Variants in CDKN2A observed in about 807,000 individuals in gnomAD.
CDKN2A encodes the protein cyclin dependent kinase inhibitor 2A.
Under a neutral mutation model 11.1 loss-of-function variants are expected in CDKN2A, and 3 were observed. The observed-to-expected ratio is 0.27, with a 90% CI of 0.12 to 0.70. The LOEUF is 0.70. Ranked by LOEUF, CDKN2A falls within the 30% of genes least tolerant of loss-of-function variation. CDKN2A has a pLI of 0.77. For synonymous variants in CDKN2A, 122 were observed against 108.1 expected, an observed-to-expected ratio of 1.13 and a Z score of -0.80; for missense variants, 265 against 233.6, an observed-to-expected ratio of 1.13 and a Z score of -0.88.
chr9:21,979,783 C>G (rs1820130865), upstream of CDKN2A, among the ~76,000 whole-genome samples: 1 of 152,140 alleles, frequency 6.6e-6, no homozygotes, highest in African/African-American at 2.4e-5. Flanking sequence ...TTCTTTAAAA[C>G]CAGACTGGAG....
rs781780454 is a variant in CDKN2A at position 21,974,549 on chromosome 9, T to C, written c.150+129A>G. 2.0e-5 allele frequency: 33 copies of C among 1,613,398 alleles called. No homozygotes were observed. The highest frequency in any genetic ancestry group is 2.5e-5 in the Non-Finnish European group (29 of 1,179,980). ...GAGGTCTGTGATTACAAACCCCTTC[T>C]GAAAACTCCCCAGGAAGCCTCCCCT... On this transcript the variant is annotated intron_variant, in intron 1 of 2. Coordinates refer to ENST00000304494, the MANE Select transcript of CDKN2A (RefSeq NM_000077.5). The surrounding 1 kb of genome is among the most constrained non-coding windows in gnomAD (Gnocchi z 5.2).
At chr9:21,970,775 C>T in intron 2 of CDKN2A, 127 bp downstream of exon 2, 1 of 1,202,496 alleles carries the variant, frequency 8.3e-7, no homozygotes. Context: ...GCCGTCCCAC[C>T]GATTGGCGCG....
At position 21,991,470 on chromosome 9, in the gene CDKN2A, T is replaced by C. The variant is rs1365620459; in HGVS notation, c.-4+2412A>G. On this transcript the variant is annotated intron_variant, in intron 2 of 3. Transcript: ENST00000494262. This position sits in a 1 kb window ranked among gnomAD's most constrained non-coding sequence, Gnocchi z 5.2. ...TTTAGTTCGGCCTAGAATGTTTTAG[T>C]ACAGAAGGCAAGTGAGATTTTCTCT... 5.7e-6 allele frequency: 1 copy of C among 174,116 alleles called. No individual in the cohort carries two copies. The highest frequency in any genetic ancestry group is 1.1e-5 in the Non-Finnish European group (1 of 88,206). 10.8% of individuals were successfully genotyped at this position (174,116 alleles called of 1,614,324 possible). A position where few individuals can be genotyped will look rare whatever the true frequency, so the allele number is the denominator to read the frequency against.
upstream of CDKN2A, among the ~76,000 whole-genome samples, chr9:21,979,036 C>T (rs1482400809): frequency 6.6e-6 from 1 of 152,122 alleles, no homozygotes; most frequent in Admixed American, 6.6e-5. Context: ...AAAAGGTGAC[C>T]AAACTCATTC....
At position 21,974,821 on chromosome 9, in the gene CDKN2A, G is replaced by T. The variant is rs947790209; in HGVS notation, c.7C>A (p.Pro3Thr). Residue 3 changes from proline (P) to threonine (T), a missense_variant, in exon 1 of 3, where the codon CCG becomes ACG. Pro to Thr is a conservative substitution (Grantham distance 38). Transcript: ENST00000304494. This position sits in a 1 kb window ranked among gnomAD's most constrained non-coding sequence, Gnocchi z 5.2. Reference sequence around the variant, plus strand: ...GGCTCCATGCTGCTCCCCGCCGCCGGCTCCATGCTGCTCCCCGCCGCCCGC... The same window carrying T: ...GGCTCCATGCTGCTCCCCGCCGCCGTCTCCATGCTGCTCCCCGCCGCCCGC... ME[P>T]AAGSSMEPSA... The T allele has an allele frequency of 2.5e-6, 4 of 1,591,702 alleles. No homozygotes were observed. Among genetic ancestry groups the T allele is most frequent in the South Asian group, 1.1e-5 (1 of 89,990 alleles).
Position 21,970,953 on chromosome 9 carries a change from C to T in CDKN2A, c.406G>A (p.Gly136Ser), listed in dbSNP as rs777840257. ...CGGGCATGGTTACTGCCTCTGGTGCCCCCCGCAGCCGCGCGCAGGTACCGT... is the reference window on the plus strand; with the variant it reads ...CGGGCATGGTTACTGCCTCTGGTGCTCCCCGCAGCCGCGCGCAGGTACCGT... Reference protein sequence around the residue: ...VARYLRAAAGGTRGSNHARID... With the variant: ...VARYLRAAAGSTRGSNHARID... Residue 136 changes from glycine (G) to serine (S), a missense_variant, in exon 2 of 3, where the codon GGC becomes AGC. Physicochemically the swap from Gly to Ser is moderately conservative, Grantham distance 56. Coordinates refer to ENST00000304494, the MANE Select transcript of CDKN2A (RefSeq NM_000077.5). 5 of 1,612,104 alleles carry T rather than the reference C, an allele frequency of 3.1e-6. No individual in the cohort carries two copies. The highest frequency in any genetic ancestry group is 2.7e-5 in the African/African-American group (2 of 75,054).
Position 21,971,052 on chromosome 9 carries a change from G to T in CDKN2A, c.307C>A (p.Arg103=). 1 of 1,605,442 alleles carries T rather than the reference G, an allele frequency of 6.2e-7. No homozygotes were observed. The highest frequency in any genetic ancestry group is 8.5e-7 in the Non-Finnish European group (1 of 1,179,322). ...TLVVLHRAGA[R]LDVRDAWGRL... Reference sequence around the variant, plus strand: ...CCCCAGGCATCGCGCACGTCCAGCCGCGCCCCGGCCCGGTGCAGCACCACC... The same window carrying T: ...CCCCAGGCATCGCGCACGTCCAGCCTCGCCCCGGCCCGGTGCAGCACCACC... Residue 103 remains arginine (R), a synonymous_variant, in exon 2 of 3, where the codon CGG becomes AGG. Transcript: ENST00000304494.
At position 21,970,952 on chromosome 9, in the gene CDKN2A, C is replaced by T. The variant is rs758832729; in HGVS notation, c.407G>A (p.Gly136Asp). ...GCGGGCATGGTTACTGCCTCTGGTGCCCCCCGCAGCCGCGCGCAGGTACCG... is the reference window on the plus strand; with the variant it reads ...GCGGGCATGGTTACTGCCTCTGGTGTCCCCCGCAGCCGCGCGCAGGTACCG... ...VARYLRAAAG[G>D]TRGSNHARID... Residue 136 changes from glycine to aspartate, a missense_variant, in exon 2 of 3, where the codon GGC becomes GAC. By Grantham distance (94) the Gly-to-Asp change is moderately conservative. Transcript: ENST00000304494. 5 of 1,611,782 alleles carry T rather than the reference C, an allele frequency of 3.1e-6. No homozygotes were observed. Among genetic ancestry groups the T allele is most frequent in the East Asian group, 2.2e-5 (1 of 44,876 alleles).
intron 1 of CDKN2A, chr9:21,994,604 G>T: frequency 1.5e-6 from 1 of 679,922 alleles, no homozygotes; most frequent in Non-Finnish European, 2.1e-6. Context: ...TGCCGGAGGC[G>T]CCCGTAGGGA....
At chr9:21,975,683 G>T (rs1319830434), upstream of CDKN2A, among the ~76,000 whole-genome samples, 1 of 149,584 alleles carries the variant, frequency 6.7e-6, no homozygotes, top group Non-Finnish European at 1.5e-5. Flanking sequence ...TAATACGGAC[G>T]GGGGAGAATT....
intron 2 of CDKN2A, among the ~76,000 whole-genome samples, chr9:21,986,379 CAATA>C (rs1820297018): frequency 6.6e-6 from 1 of 151,878 alleles, no homozygotes; most frequent in South Asian, 2.1e-4. Context: ...TCCTTTCAAC[CAATA>C]AATATTTACT....
At chr9:21,981,691 A>G (rs1308870220) in intron 2 of CDKN2A, among the ~76,000 whole-genome samples, 2 of 151,640 alleles carry the variant, frequency 1.3e-5, no homozygotes, top group African/African-American at 2.4e-5. Context: ...AATCACAAAC[A>G]TGTAAAAACA....
upstream of CDKN2A, among the ~76,000 whole-genome samples, chr9:21,978,323 T>C (rs532111875): frequency 5.9e-5 from 9 of 152,130 alleles, no homozygotes; most frequent in South Asian, 1.0e-3. Flanking sequence ...GGGAAAACTT[T>C]CCTAGTTTTT....
At chr9:21,979,127 T>C (rs149959685), upstream of CDKN2A, among the ~76,000 whole-genome samples, 10 of 152,134 alleles carry the variant, frequency 6.6e-5, no homozygotes, top group Admixed American at 1.3e-4. Flanking sequence ...AGTTTAAAGA[T>C]GGAAAAGAAG....
chr9:21,987,130 T>G (rs1258625293), intron 2 of CDKN2A, among the ~76,000 whole-genome samples: 1 of 152,072 alleles, frequency 6.6e-6, no homozygotes, highest in African/African-American at 2.4e-5. Context: ...TTTCTTATAA[T>G]TGTTACTTTT....
intron 2 of CDKN2A, among the ~76,000 whole-genome samples, chr9:21,981,935 A>G (rs1020598124): frequency 1.3e-5 from 2 of 152,234 alleles, no homozygotes; most frequent in Non-Finnish European, 2.9e-5. Context: ...AGATTTGCTA[A>G]GAAAAAACAA....
chr9:21,972,410 C>A (rs1819809481), intron 1 of CDKN2A, among the ~76,000 whole-genome samples: 3 of 152,024 alleles, frequency 2.0e-5, no homozygotes, highest in Admixed American at 2.0e-4. Flanking sequence ...TAGAGGGTCA[C>A]AGTCAGAGAG....
chr9:21,970,760 C>T, intron 2 of CDKN2A, 142 bp downstream of exon 2: 1 of 1,053,784 alleles, frequency 9.5e-7, no homozygotes. Context: ...GATAGGGAGA[C>T]TCAGGCCGTC....
In CDKN2A at chr9:21,974,439, C is replaced by T. The variant is rs145143907; in HGVS notation, c.150+239G>A. On this transcript the variant is annotated intron_variant, in intron 1 of 2. Coordinates refer to ENST00000304494, the MANE Select transcript of CDKN2A (RefSeq NM_000077.5). This position sits in a 1 kb window ranked among gnomAD's most constrained non-coding sequence, Gnocchi z 5.2. ...TACAAATATGTTCCCCCCTTCAGAT[C>T]TTCTCAGCATTCGAGAGATCTGTAC... 6.2e-7 allele frequency: 1 copy of T among 1,610,684 alleles called. No individual in the cohort carries two copies. Among genetic ancestry groups the T allele is most frequent in the South Asian group, 1.1e-5 (1 of 90,202 alleles).
Sources: gnomAD v4.1 joint callset for allele counts (sites outside exome capture counted in the v4.1 genomes callset) on GRCh38, gnomAD v4.1.1 for gene constraint, Gnocchi (gnomAD v3.1) non-coding constraint, MANE v1.5 for transcripts, NCBI Gene and HGNC (gene_info 2026-07-23, HGNC 2026-07-21) for gene names.